The following CCM2 variants were observed in gnomAD, a reference collection of about 807,000 sequenced individuals.
The protein encoded by CCM2 is CCM2 scaffold protein, also known as cerebral cavernous malformations 2 protein.
Under a neutral mutation model 44.9 loss-of-function variants are expected in CCM2, and 25 were observed. That is an observed-to-expected ratio of 0.56 (90% CI 0.41 to 0.78). The LOEUF (loss-of-function observed/expected upper bound fraction) is 0.78. Among genes scored for constraint, CCM2 ranks in the 30% least tolerant of loss-of-function variants. The pLI is 0.00. For missense variants in CCM2, 481 were observed against 580.6 expected, an observed-to-expected ratio of 0.83 and a Z score of 1.76; for synonymous variants, 219 against 241.1, an observed-to-expected ratio of 0.91 and a Z score of 0.85.
chr7:45,027,551 G>A (rs981573681), intron 1 of CCM2: 70 of 1,435,794 alleles, frequency 4.9e-5, no homozygotes, highest in Admixed American at 1.0e-4. Flanking sequence ...TCTGGGTGCT[G>A]CCTGCTTTTT....
chr7:45,049,176 C>G (rs940528058), intron 2 of CCM2, among the ~76,000 whole-genome samples: 1 of 152,092 alleles, frequency 6.6e-6, no homozygotes, highest in Non-Finnish European at 1.5e-5. Flanking sequence ...AGGCTGGTCT[C>G]GAACTCCTGT....
At chr7:45,013,783 T>A (rs1796154984) in intron 1 of CCM2, among the ~76,000 whole-genome samples, 1 of 152,234 alleles carries the variant, frequency 6.6e-6, no homozygotes, top group African/African-American at 2.4e-5. Context: ...ATGATTGATA[T>A]TTTTGAAGAT....
intron 2 of CCM2, among the ~76,000 whole-genome samples, chr7:45,049,640 T>C (rs983982534): frequency 1.3e-5 from 2 of 152,254 alleles, no homozygotes; most frequent in Admixed American, 6.5e-5. Flanking sequence ...TCAACTGTTA[T>C]GTATGTTTTA....
intron 2 of CCM2, among the ~76,000 whole-genome samples, chr7:45,049,706 C>T (rs780972605): frequency 2.0e-5 from 3 of 152,164 alleles, no homozygotes; most frequent in Non-Finnish European, 4.4e-5. Flanking sequence ...GGCTAGGTTA[C>T]TTTTTAATTT....
At chr7:45,043,382 A>G in intron 2 of CCM2, among the ~76,000 whole-genome samples, 1 of 152,240 alleles carries the variant, frequency 6.6e-6, no homozygotes, top group South Asian at 2.1e-4. Context: ...ATTCCTCAGG[A>G]AACTATTAGG....
In CCM2 at chr7:45,069,991, G is replaced by T. The variant is rs376067271; in HGVS notation, c.745+30G>T. 39 of 1,611,828 alleles carry T rather than the reference G, an allele frequency of 2.4e-5. No individual in the cohort carries two copies. The African/African-American group carries it at 4.3e-4, about 18-fold the overall frequency. On this transcript the variant is annotated intron_variant, in intron 6 of 9. Coordinates refer to ENST00000258781, the MANE Select transcript of CCM2 (RefSeq NM_031443.4). ...GTTGAGTGAGAGTGGGCAGCGGGTGGGAGCAGGGACAGGAGGGGCTACTGC... is the reference window on the plus strand; with the variant it reads ...GTTGAGTGAGAGTGGGCAGCGGGTGTGAGCAGGGACAGGAGGGGCTACTGC...
chr7:45,004,795 A>C (rs958297045), intron 1 of CCM2, among the ~76,000 whole-genome samples: 15 of 152,066 alleles, frequency 9.9e-5, no homozygotes, highest in African/African-American at 3.1e-4. Context: ...ATCACCTGTC[A>C]GGAGTCTGAG....
At chr7:45,027,639 T>C (rs1468252684) in intron 1 of CCM2, 3 of 1,613,684 alleles carry the variant, frequency 1.9e-6, no homozygotes, top group Non-Finnish European at 2.5e-6. Flanking sequence ...TGTTCAGTCA[T>C]GTTTTTTTCA....
chr7:45,074,917 C>T (rs141519248), intron 9 of CCM2, among the ~76,000 whole-genome samples: 285 of 152,310 alleles, frequency 1.9e-3, no homozygotes, highest in Middle Eastern at 3.4e-3. Flanking sequence ...CTCTCAGGGG[C>T]GGTGACTTAG....
At chr7:45,050,036 G>A (rs1797930374) in intron 2 of CCM2, among the ~76,000 whole-genome samples, 1 of 152,206 alleles carries the variant, frequency 6.6e-6, no homozygotes, top group South Asian at 2.1e-4. Context: ...ATATGACAAT[G>A]GTCCCATGAG....
chr7:45,061,853 T>G (rs1342731956), intron 2 of CCM2, among the ~76,000 whole-genome samples: 1 of 152,176 alleles, frequency 6.6e-6, no homozygotes, highest in Non-Finnish European at 1.5e-5. Flanking sequence ...TTCTCCAGTC[T>G]CACCCTGAGA....
At chr7:45,018,095 C>CT (rs1288678807) in intron 1 of CCM2, among the ~76,000 whole-genome samples, 3 of 152,150 alleles carry the variant, frequency 2.0e-5, no homozygotes, top group Non-Finnish European at 1.5e-5. Context: ...ATTAGATTCT[C>CT]TAAGGAGTGC....
intron 1 of CCM2, 87 bp downstream of exon 1, chr7:45,000,450 G>T (rs62461381): frequency 9.8e-6 from 1 of 101,740 alleles, no homozygotes; most frequent in African/African-American, 8.2e-5. Context: ...TGTTCCTTGG[G>T]GCCCGGGGGG....
chr7:45,061,079 T>G (rs1214505079), intron 2 of CCM2, among the ~76,000 whole-genome samples: 2 of 152,196 alleles, frequency 1.3e-5, no homozygotes, highest in African/African-American at 2.4e-5. Context: ...TGTTTTTGTC[T>G]TCCATTGTTT....
intron 2 of CCM2, among the ~76,000 whole-genome samples, chr7:45,040,103 TA>T (rs1026817619): frequency 1.4e-5 from 2 of 145,776 alleles, no homozygotes; most frequent in South Asian, 2.2e-4. Context: ...AAGATAAAAG[TA>T]AAAAAAAAGG....
chr7:45,075,081 C>G (rs1226436387), intron 9 of CCM2, among the ~76,000 whole-genome samples: 1 of 152,232 alleles, frequency 6.6e-6, no homozygotes, highest in Admixed American at 6.5e-5. Context: ...CAGTGGCAAA[C>G]GTGGATTGCC....
intron 1 of CCM2, among the ~76,000 whole-genome samples, chr7:45,013,840 T>C (rs963888643): frequency 2.0e-5 from 3 of 152,186 alleles, no homozygotes; most frequent in African/African-American, 7.2e-5. Flanking sequence ...TGTTTTTTCC[T>C]CATGAGTTTA....
chr7:45,069,951 C>T lies in CCM2; in HGVS notation c.735C>T (p.Ser245=), dbSNP rs199682975. ...DGASTPTHHL[S]LHSDDSSTKV... ...CCTCTACCCCGACCCACCACCTGTCCCTGCACAGCGGTATGTTGAGTGAGA... is the reference window on the plus strand; with the variant it reads ...CCTCTACCCCGACCCACCACCTGTCTCTGCACAGCGGTATGTTGAGTGAGA... The change falls in exon 6 of 10, where the codon TCC becomes TCT. Residue 245 remains serine, a synonymous_variant. Coordinates refer to ENST00000258781, the MANE Select transcript of CCM2 (RefSeq NM_031443.4). 2.4e-4 allele frequency: 393 copies of T among 1,613,958 alleles called. 2 individuals are homozygous for T. The highest frequency in any genetic ancestry group is 1.4e-3 in the Admixed American group (82 of 60,026).
At chr7:45,039,065 C>A (rs1181942717) in intron 2 of CCM2, among the ~76,000 whole-genome samples, 1 of 152,038 alleles carries the variant, frequency 6.6e-6, no homozygotes, top group Non-Finnish European at 1.5e-5. Context: ...GCAGCCAGAC[C>A]CGAGTTCCTG....
Sources: gnomAD v4.1 joint callset for allele counts (sites outside exome capture counted in the v4.1 genomes callset) on GRCh38, gnomAD v4.1.1 for gene constraint, MANE v1.5 for transcripts, NCBI Gene and HGNC (gene_info 2026-07-23, HGNC 2026-07-21) for gene names.